LOXHD1: variants seen among roughly 807,000 people sequenced by gnomAD.
LOXHD1 encodes lipoxygenase homology domain-containing protein 1.
A neutral mutation model predicts 248.2 loss-of-function variants in LOXHD1; 205 were observed. That is an observed-to-expected ratio of 0.83 (90% CI 0.74 to 0.93). LOXHD1 has a LOEUF of 0.93. LOXHD1 is among the 40% of genes least tolerant of loss of function. LOXHD1 has a pLI of 0.00. For missense variants in LOXHD1, 2,930 were observed against 2,971.6 expected (o/e 0.99, Z 0.33); for synonymous variants, 1,113 against 1,162.8 (o/e 0.96, Z 0.87).
intron 12 of LOXHD1, among the ~76,000 whole-genome samples, chr18:46,580,446 A>G (rs2037940975): frequency 1.3e-5 from 2 of 152,250 alleles, no homozygotes; most frequent in South Asian, 4.1e-4. Flanking sequence ...ACTTCTTCCC[A>G]TGTTGAAAAT....
At chr18:46,545,279 G>A in intron 23 of LOXHD1, 38 bp downstream of exon 23, 1 of 1,433,128 alleles carries the variant, frequency 7.0e-7, no homozygotes. Context: ...CCCTGGGGAA[G>A]AATGTGGGTG....
rs967905909 is a variant in LOXHD1 at position 46,582,217 on chromosome 18, C to T, written c.1655-2433G>A. Among the ~76,000 whole-genome samples the T allele has an allele frequency of 3.3e-5, 5 of 152,150 alleles. No homozygotes were observed. In the East Asian group the frequency reaches 9.6e-4, roughly 29 times the overall value. ...GCATAAAGCAGTAAATATAGAGCTG[C>T]ACCACTAGTGAGTTTATAATATGTA... On this transcript the variant is annotated intron_variant, in intron 12 of 40. Coordinates refer to ENST00000642948, the MANE Select transcript of LOXHD1 (RefSeq NM_001384474.1).
chr18:46,599,333 T>A (rs2038302165), intron 8 of LOXHD1, among the ~76,000 whole-genome samples: 1 of 152,174 alleles, frequency 6.6e-6, no homozygotes, highest in African/African-American at 2.4e-5. Flanking sequence ...TATCAAGAAT[T>A]CCAGGTGATT....
intron 14 of LOXHD1, among the ~76,000 whole-genome samples, chr18:46,572,557 G>C (rs926944407): frequency 2.0e-5 from 3 of 152,218 alleles, no homozygotes; most frequent in Non-Finnish European, 4.4e-5. Flanking sequence ...GCTGGCAGAG[G>C]AAGCTGGAGA....
At chr18:46,654,950 A>T (rs2039160834) in intron 1 of LOXHD1, among the ~76,000 whole-genome samples, 1 of 152,178 alleles carries the variant, frequency 6.6e-6, no homozygotes, top group African/African-American at 2.4e-5. Flanking sequence ...CTGGATTCAA[A>T]TCCTAACTCT....
intron 8 of LOXHD1, among the ~76,000 whole-genome samples, chr18:46,595,833 G>A (rs932434986): frequency 7.2e-5 from 11 of 152,152 alleles, no homozygotes; most frequent in African/African-American, 1.9e-4. Flanking sequence ...ATGTTTCCTC[G>A]TTTACTCTTG....
intron 6 of LOXHD1, among the ~76,000 whole-genome samples, chr18:46,608,273 T>G (rs2038452341): frequency 6.6e-6 from 1 of 152,146 alleles, no homozygotes; most frequent in South Asian, 2.1e-4. Context: ...CCACAAAGTT[T>G]TAAAGGAAAA....
chr18:46,535,143 G>A (rs182957820), intron 26 of LOXHD1, among the ~76,000 whole-genome samples: 3 of 152,164 alleles, frequency 2.0e-5, no homozygotes, highest in Admixed American at 2.0e-4. Flanking sequence ...TCTCATAGTT[G>A]TAAGTTTTCA....
intron 40 of LOXHD1, among the ~76,000 whole-genome samples, chr18:46,481,549 G>A (rs1274675132): frequency 1.3e-5 from 2 of 152,206 alleles, no homozygotes; most frequent in East Asian, 3.8e-4. Context: ...TGAAGCACAA[G>A]GAGTTGATGG....
At chr18:46,636,693 T>A (rs1242808961) in intron 4 of LOXHD1, among the ~76,000 whole-genome samples, 1 of 152,240 alleles carries the variant, frequency 6.6e-6, no homozygotes, top group Non-Finnish European at 1.5e-5. Flanking sequence ...CTCCTGTTAC[T>A]GTCCATATTG....
intron 33 of LOXHD1, chr18:46,520,730 C>G: frequency 4.0e-6 from 1 of 248,980 alleles, no homozygotes; most frequent in Non-Finnish European, 7.8e-6. Flanking sequence ...AACAATGACC[C>G]TGCCTGTCTA....
At chr18:46,575,905 G>C (rs1006622043) in intron 14 of LOXHD1, among the ~76,000 whole-genome samples, 1 of 152,022 alleles carries the variant, frequency 6.6e-6, no homozygotes, top group African/African-American at 2.4e-5. Flanking sequence ...AGTCTCCCTC[G>C]CCCTGCCGGA....
intron 21 of LOXHD1, chr18:46,555,082 G>T (rs2037264678): frequency 2.1e-6 from 1 of 470,242 alleles, no homozygotes; most frequent in African/African-American, 2.0e-5. Context: ...TAAATTGTTG[G>T]GCTAGCCGAG....
chr18:46,525,645 G>A (rs1236616040), intron 29 of LOXHD1, among the ~76,000 whole-genome samples: 1 of 152,180 alleles, frequency 6.6e-6, no homozygotes, highest in African/African-American at 2.4e-5. Flanking sequence ...GTGGATCCTA[G>A]GCTTTGAATG....
chr18:46,518,315 C>T, intron 33 of LOXHD1, 59 bp from the exon 34 acceptor site: 1 of 1,527,944 alleles, frequency 6.5e-7, no homozygotes. Context: ...CCCACCTGAC[C>T]TGCCTCAGTC....
chr18:46,478,437 C>G (rs2032231698), intron 40 of LOXHD1, among the ~76,000 whole-genome samples: 1 of 152,066 alleles, frequency 6.6e-6, no homozygotes, highest in African/African-American at 2.4e-5. Flanking sequence ...TCCAAGTCAC[C>G]ATCATCTCCT....
chr18:46,648,385 T>A (rs1318075503), intron 2 of LOXHD1, among the ~76,000 whole-genome samples: 2 of 152,224 alleles, frequency 1.3e-5, no homozygotes, highest in Non-Finnish European at 2.9e-5. Context: ...AGGCTTTGGT[T>A]TCCCCATGAG....
intron 40 of LOXHD1, among the ~76,000 whole-genome samples, chr18:46,478,621 A>G (rs974506962): frequency 6.6e-6 from 1 of 152,182 alleles, no homozygotes; most frequent in Non-Finnish European, 1.5e-5. Context: ...AGACTTTACA[A>G]CGGTCTGCAA....
intron 26 of LOXHD1, among the ~76,000 whole-genome samples, chr18:46,536,222 A>C (rs374667881): frequency 3.3e-5 from 5 of 152,288 alleles, no homozygotes; most frequent in African/African-American, 1.2e-4. Context: ...GGATGTTCTC[A>C]ATAACTCTTA....
Sources: gnomAD v4.1 joint callset for allele counts (sites outside exome capture counted in the v4.1 genomes callset) on GRCh38, gnomAD v4.1.1 for gene constraint, MANE v1.5 for transcripts, NCBI Gene and HGNC (gene_info 2026-07-23, HGNC 2026-07-21) for gene names.